MAMLD1: variants seen among roughly 807,000 people sequenced by gnomAD.
MAMLD1 encodes the protein mastermind like domain containing 1.
Under a neutral mutation model 45.0 loss-of-function variants are expected in MAMLD1, and 14 were observed. The ratio of observed to expected loss-of-function variants is 0.31; its 90% CI spans 0.21 to 0.49. The LOEUF (loss-of-function observed/expected upper bound fraction) is 0.49, where lower values mean the gene tolerates loss of function less well. MAMLD1 is among the 20% of genes least tolerant of loss of function. The pLI, the probability that MAMLD1 is intolerant of heterozygous loss-of-function variation, is 0.99. For synonymous variants in MAMLD1, 254 were observed against 247.8 expected (o/e 1.02, Z -0.24); for missense variants, 543 against 603.6 (o/e 0.90, Z 1.05).
At chrX:150,488,752 T>C (rs2037076956) in intron 5 of MAMLD1, among the ~76,000 whole-genome samples, 1 of 113,251 alleles carries the variant, frequency 8.8e-6, no homozygotes, top group Non-Finnish European at 1.9e-5. Flanking sequence ...GTTATGCTTA[T>C]GCTCATCGTT....
At chrX:150,397,315 A>G (rs2033457896) in intron 1 of MAMLD1, among the ~76,000 whole-genome samples, 1 of 112,372 alleles carries the variant, frequency 8.9e-6, no homozygotes, top group South Asian at 3.7e-4. Context: ...ATTGTTAAAC[A>G]GAACTGACAT....
intron 1 of MAMLD1, among the ~76,000 whole-genome samples, chrX:150,404,955 G>A (rs1192715115): frequency 8.9e-6 from 1 of 112,072 alleles, no homozygotes; most frequent in South Asian, 3.7e-4. Context: ...TTTCTGGTTT[G>A]GGGTGACTAC....
intron 1 of MAMLD1, among the ~76,000 whole-genome samples, chrX:150,413,445 CTGTT>C (rs2034170974): frequency 9.0e-6 from 1 of 111,255 alleles, no homozygotes; most frequent in Non-Finnish European, 1.9e-5. Flanking sequence ...CCCAGGAACA[CTGTT>C]TGAGAACAAA....
chrX:150,504,933 C>T, intron 6 of MAMLD1: 1 of 753,816 alleles, frequency 1.3e-6, no homozygotes, highest in Non-Finnish European at 1.6e-6. Flanking sequence ...GATGCAGGCA[C>T]CACAGGGGAA....
chrX:150,459,833 G>GGGAGGGAT (rs1206615346), intron 2 of MAMLD1, among the ~76,000 whole-genome samples: 1 of 109,382 alleles, frequency 9.1e-6, no homozygotes, highest in Non-Finnish European at 1.9e-5. Flanking sequence ...AAGGAAGAGA[G>GGGAGGGAT]GGAGGGATGG....
chrX:150,470,346 C>T lies in MAMLD1; in HGVS notation c.773C>T (p.Thr258Ile). 1 of 1,208,725 alleles carries T rather than the reference C, an allele frequency of 8.3e-7. No homozygotes were observed. Among genetic ancestry groups the T allele is most frequent in the Non-Finnish European group, 1.1e-6 (1 of 893,284 alleles). The change falls in exon 4 of 8, where the codon ACA (threonine) becomes ATA (isoleucine). Residue 258 changes from threonine to isoleucine, a missense_variant. Coordinates refer to ENST00000370401, the MANE Select transcript of MAMLD1 (RefSeq NM_005491.5). ...GMSLQIPSSS[T>I]GISYSIPSTS... is the part of the protein sequence containing the mutation. The stretch of plus-strand genomic sequence containing the variant: ...TCACTTCAGATCCCATCCTCCTCCA[C>T]AGGGATCAGCTATTCGATTCCTTCC...
intron 1 of MAMLD1, among the ~76,000 whole-genome samples, chrX:150,393,898 TTC>T (rs2033292886): frequency 9.0e-6 from 1 of 111,365 alleles, no homozygotes; most frequent in Non-Finnish European, 1.9e-5. Flanking sequence ...TGTCTTTTCA[TTC>T]TCTTTGCAGA....
chrX:150,381,544 C>G (rs913178651), intron 1 of MAMLD1, among the ~76,000 whole-genome samples: 22 of 112,573 alleles, frequency 2.0e-4, no homozygotes, highest in African/African-American at 6.1e-4. Context: ...TCTACCCCAA[C>G]TTCTGAACCC....
At chrX:150,368,553 C>A (rs1392185665) in intron 1 of MAMLD1, among the ~76,000 whole-genome samples, 9 of 111,175 alleles carry the variant, frequency 8.1e-5, no homozygotes, top group African/African-American at 2.9e-4. Context: ...TGTGCAGAAG[C>A]TCTTTAGTTT....
intron 1 of MAMLD1, among the ~76,000 whole-genome samples, chrX:150,392,266 G>A (rs1400508661): frequency 8.9e-6 from 1 of 111,922 alleles, no homozygotes; most frequent in Non-Finnish European, 1.9e-5. Flanking sequence ...TGGAGGTTCA[G>A]CTCCCCACTA....
intron 6 of MAMLD1, chrX:150,504,873 T>A: frequency 1.3e-6 from 1 of 753,797 alleles, no homozygotes; most frequent in East Asian, 1.5e-4. Flanking sequence ...ATCCTCCCTG[T>A]CAACACAGCC....
At chrX:150,417,358 C>A (rs2034292905) in intron 1 of MAMLD1, among the ~76,000 whole-genome samples, 2 of 104,805 alleles carry the variant, frequency 1.9e-5, no homozygotes, top group African/African-American at 3.5e-5. Context: ...TTTATGGCTG[C>A]ATAGTATTCC....
chrX:150,428,327 G>A (rs1373438411), intron 1 of MAMLD1, among the ~76,000 whole-genome samples: 8 of 112,290 alleles, frequency 7.1e-5, no homozygotes, highest in African/African-American at 2.6e-4. Flanking sequence ...ACTTGAGGAC[G>A]CAGGCATTTT....
intron 3 of MAMLD1, among the ~76,000 whole-genome samples, chrX:150,467,583 T>C (rs2036262821): frequency 8.9e-6 from 1 of 112,764 alleles, no homozygotes; most frequent in South Asian, 3.6e-4. Flanking sequence ...AGTGCCCTTG[T>C]TCAGATTGTG....
intron 1 of MAMLD1, among the ~76,000 whole-genome samples, chrX:150,436,406 G>C (rs1178914166): frequency 9.0e-6 from 1 of 111,693 alleles, no homozygotes; most frequent in Admixed American, 9.4e-5. Context: ...TTTCTCAGAG[G>C]TATTGGTCAT....
Position 150,398,345 on chromosome X carries a change from AAGAG to A in MAMLD1, c.-64+34816_-64+34819del, listed in dbSNP as rs1557402329. 5.7e-4 allele frequency among the ~76,000 whole-genome samples: 56 copies of A among 99,040 alleles called. 2 individuals are homozygous for A. The highest frequency in any genetic ancestry group is 1.8e-3 in the East Asian group (6 of 3,296). 86.0% of individuals were successfully genotyped at this position (99,040 alleles called of 115,157 possible). A position where few individuals can be genotyped will look rare whatever the true frequency, so the allele number is the denominator to read the frequency against. ...GAAGAAGAAGAAGAAGAAGAAGAGGAAGAGGAAGAGGAAGAGGAAGAGGAAGAGG... is the reference window on the plus strand; with the variant it reads ...GAAGAAGAAGAAGAAGAAGAAGAGGAGAAGAGGAAGAGGAAGAGGAAGAGG... On this transcript the variant is annotated intron_variant, in intron 1 of 7. Coordinates refer to ENST00000370401, the MANE Select transcript of MAMLD1 (RefSeq NM_005491.5).
At chrX:150,466,102 A>C (rs2036210335) in intron 3 of MAMLD1, among the ~76,000 whole-genome samples, 1 of 112,851 alleles carries the variant, frequency 8.9e-6, no homozygotes, top group South Asian at 3.6e-4. Context: ...AGCCCAGCCA[A>C]CTTCTCGCAG....
chrX:150,442,478 G>A (rs782546582), intron 1 of MAMLD1, among the ~76,000 whole-genome samples: 24 of 110,968 alleles, frequency 2.2e-4, no homozygotes, highest in Non-Finnish European at 4.0e-4. Context: ...ATCACTCTAG[G>A]TATTACATTA....
intron 5 of MAMLD1, among the ~76,000 whole-genome samples, chrX:150,478,731 G>T (rs1358427896): frequency 8.9e-6 from 1 of 112,481 alleles, no homozygotes; most frequent in African/African-American, 3.2e-5. Flanking sequence ...CCTGCCCTGT[G>T]CGTATTCTCT....
Sources: gnomAD v4.1 joint callset for allele counts (sites outside exome capture counted in the v4.1 genomes callset) on GRCh38, gnomAD v4.1.1 for gene constraint, MANE v1.5 for transcripts, NCBI Gene and HGNC (gene_info 2026-07-23, HGNC 2026-07-21) for gene names.